DYNC1I1: variants seen among roughly 807,000 people sequenced by gnomAD.
DYNC1I1 encodes the protein cytoplasmic dynein 1 intermediate chain 1.
Under a neutral mutation model 86.6 loss-of-function variants are expected in DYNC1I1, and 43 were observed. The ratio of observed to expected loss-of-function variants is 0.50; its 90% CI spans 0.39 to 0.64. The LOEUF (loss-of-function observed/expected upper bound fraction) is 0.64, where lower values mean the gene tolerates loss of function less well. DYNC1I1 is among the 30% of genes least tolerant of loss of function. The probability of loss-of-function intolerance (pLI) is 0.00; values close to 1 mark genes in which losing one functional copy is unlikely to be tolerated. For missense variants in DYNC1I1, 604 were observed against 788.8 expected, an observed-to-expected ratio of 0.77 and a Z score of 2.81; for synonymous variants, 262 against 283.7, an observed-to-expected ratio of 0.92 and a Z score of 0.77.
At chr7:95,804,698 C>T in intron 1 of DYNC1I1, 23 bp from the exon 2 acceptor site, 1 of 1,534,086 alleles carries the variant, frequency 6.5e-7, no homozygotes. Context: ...TATATGTTCA[C>T]TTTTTTTTTC....
chr7:95,983,563 GC>G (rs1793508842), intron 7 of DYNC1I1, among the ~76,000 whole-genome samples: 1 of 152,116 alleles, frequency 6.6e-6, no homozygotes, highest in Admixed American at 6.6e-5. Context: ...TGGATCCACT[GC>G]CATGACTTGA....
intron 6 of DYNC1I1, among the ~76,000 whole-genome samples, chr7:95,896,086 A>G (rs897080477): frequency 7.2e-5 from 11 of 152,218 alleles, no homozygotes; most frequent in Non-Finnish European, 1.6e-4. Flanking sequence ...CTGGGCTGCT[A>G]CAGAGTAACT....
chr7:95,782,222 G>T (rs1024030613), intron 1 of DYNC1I1, among the ~76,000 whole-genome samples: 1 of 152,166 alleles, frequency 6.6e-6, no homozygotes. Flanking sequence ...GACTACAGTG[G>T]CATCCTTAAG....
chr7:95,907,908 T>A (rs1791219028), intron 6 of DYNC1I1, among the ~76,000 whole-genome samples: 1 of 152,046 alleles, frequency 6.6e-6, no homozygotes, highest in Non-Finnish European at 1.5e-5. Context: ...AAACAAAATA[T>A]GAGTAGCAAG....
chr7:96,022,022 T>C (rs537750868), intron 10 of DYNC1I1, among the ~76,000 whole-genome samples: 1 of 152,270 alleles, frequency 6.6e-6, no homozygotes, highest in South Asian at 2.1e-4. Context: ...GGTATATACC[T>C]AGGAGTGGAA....
intron 4 of DYNC1I1, among the ~76,000 whole-genome samples, chr7:95,826,278 A>G (rs561621387): frequency 1.3e-5 from 2 of 152,322 alleles, no homozygotes; most frequent in Admixed American, 1.3e-4. Context: ...GCACAGCCAG[A>G]GCATAGAAGG....
At chr7:96,046,891 A>T (rs1360382232) in intron 14 of DYNC1I1, among the ~76,000 whole-genome samples, 12 of 152,196 alleles carry the variant, frequency 7.9e-5, no homozygotes, top group Non-Finnish European at 1.5e-5. Context: ...TGGTCTGGGC[A>T]TGCTTAGACT....
chr7:96,016,131 A>G (rs1046829673), intron 10 of DYNC1I1, among the ~76,000 whole-genome samples: 1 of 152,108 alleles, frequency 6.6e-6, no homozygotes, highest in Non-Finnish European at 1.5e-5. Context: ...CAAGGTTTAT[A>G]TTCACCACAT....
At chr7:95,888,091 G>A (rs1790643123) in intron 6 of DYNC1I1, among the ~76,000 whole-genome samples, 1 of 152,122 alleles carries the variant, frequency 6.6e-6, no homozygotes. Context: ...GTACTCCAAA[G>A]ACTAATCGAG....
At chr7:95,939,426 G>A (rs939299272) in intron 6 of DYNC1I1, among the ~76,000 whole-genome samples, 2 of 152,026 alleles carry the variant, frequency 1.3e-5, no homozygotes, top group African/African-American at 4.8e-5. Flanking sequence ...TATTGTGTGG[G>A]AGTCTAAGTC....
intron 12 of DYNC1I1, among the ~76,000 whole-genome samples, chr7:96,033,693 TAGA>T (rs1241349900): frequency 5.3e-5 from 8 of 152,286 alleles, no homozygotes; most frequent in African/African-American, 1.9e-4. Flanking sequence ...CACACAATTT[TAGA>T]AGAAGTTAAA....
chr7:95,809,117 T>C (rs1794769932), intron 2 of DYNC1I1, among the ~76,000 whole-genome samples: 1 of 152,152 alleles, frequency 6.6e-6, no homozygotes, highest in Non-Finnish European at 1.5e-5. Flanking sequence ...ATGGTAGTTT[T>C]CCCTCTAATG....
At chr7:95,907,087 G>T (rs940800271) in intron 6 of DYNC1I1, among the ~76,000 whole-genome samples, 1 of 152,236 alleles carries the variant, frequency 6.6e-6, no homozygotes, top group East Asian at 1.9e-4. Context: ...CTTCCTTACC[G>T]AGAGCTGCTT....
In DYNC1I1 at chr7:95,972,394, A is replaced by G. The variant is rs148062359; in HGVS notation, c.491-5118A>G. Among the ~76,000 whole-genome samples, 292 of 152,274 alleles carry G rather than the reference A, an allele frequency of 1.9e-3. 1 individual carries two copies. The highest frequency in any genetic ancestry group is 6.8e-3 in the African/African-American group (282 of 41,554). On this transcript the variant is annotated intron_variant, in intron 6 of 16. Transcript: ENST00000447467. ...AACTTTTTTCTCAGCTCTGACTCCA[A>G]GGATCCAAAGACAAAGCCTGAGTTA...
At chr7:95,943,681 G>T (rs1037605342) in intron 6 of DYNC1I1, among the ~76,000 whole-genome samples, 21 of 150,288 alleles carry the variant, frequency 1.4e-4, no homozygotes, top group African/African-American at 4.9e-4. Flanking sequence ...CAGAGATATA[G>T]ATCAATGGAA....
intron 16 of DYNC1I1, among the ~76,000 whole-genome samples, chr7:96,091,584 C>A (rs1790849169): frequency 6.6e-6 from 1 of 152,082 alleles, no homozygotes; most frequent in Non-Finnish European, 1.5e-5. Flanking sequence ...CTAAAGTAAG[C>A]AATACCTGAG....
At chr7:95,799,697 T>C (rs1046499718) in intron 1 of DYNC1I1, among the ~76,000 whole-genome samples, 5 of 151,628 alleles carry the variant, frequency 3.3e-5, no homozygotes, top group African/African-American at 1.2e-4. Context: ...TTATAACCCA[T>C]TTAGATAGAG....
intron 6 of DYNC1I1, among the ~76,000 whole-genome samples, chr7:95,944,648 G>C (rs562545698): frequency 7.2e-5 from 11 of 152,240 alleles, no homozygotes; most frequent in South Asian, 4.2e-4. Context: ...TGATAGACTG[G>C]ATTAAGAAAA....
At chr7:96,019,910 A>G (rs1173732770) in intron 10 of DYNC1I1, among the ~76,000 whole-genome samples, 2 of 152,062 alleles carry the variant, frequency 1.3e-5, no homozygotes, top group Non-Finnish European at 2.9e-5. Context: ...TCTATATGGG[A>G]ATATATTGTT....
Sources: gnomAD v4.1 joint callset for allele counts (sites outside exome capture counted in the v4.1 genomes callset) on GRCh38, gnomAD v4.1.1 for gene constraint, MANE v1.5 for transcripts, NCBI Gene and HGNC (gene_info 2026-07-23, HGNC 2026-07-21) for gene names.